PAX5: variants seen among roughly 807,000 people sequenced by gnomAD.
The protein encoded by PAX5 is paired box protein Pax-5.
PAX5 carries 9 observed loss-of-function variants against 43.7 expected under a neutral mutation model. The observed-to-expected ratio is 0.21, with a 90% CI of 0.12 to 0.36. The LOEUF is 0.36. Ranked by LOEUF, PAX5 falls within the 10% of genes least tolerant of loss-of-function variation. The probability of loss-of-function intolerance (pLI) is 1.00; values close to 1 mark genes in which losing one functional copy is unlikely to be tolerated. For missense variants in PAX5, 383 were observed against 532.7 expected (o/e 0.72, Z 2.77); for synonymous variants, 228 against 214.3 (o/e 1.06, Z -0.56).
At chr9:36,874,291 T>G (rs1825731997) in intron 8 of PAX5, among the ~76,000 whole-genome samples, 1 of 152,214 alleles carries the variant, frequency 6.6e-6, no homozygotes, top group Non-Finnish European at 1.5e-5. Flanking sequence ...TCTTGGGGCA[T>G]CTGCATATTT....
At chr9:36,932,463 A>G (rs1335322965) in intron 6 of PAX5, among the ~76,000 whole-genome samples, 1 of 152,246 alleles carries the variant, frequency 6.6e-6, no homozygotes, top group East Asian at 1.9e-4. Context: ...CAAAAGCATT[A>G]TGCTAGGTGA....
intron 8 of PAX5, among the ~76,000 whole-genome samples, chr9:36,858,948 C>T (rs934487713): frequency 5.3e-5 from 8 of 152,242 alleles, no homozygotes; most frequent in South Asian, 2.1e-4. Context: ...GTGCTAGTCC[C>T]GACCTGCGCT....
intron 5 of PAX5, among the ~76,000 whole-genome samples, chr9:36,999,035 A>C (rs192261516): frequency 1.3e-5 from 2 of 152,276 alleles, no homozygotes; most frequent in Admixed American, 6.5e-5. Context: ...CTGTCATGTT[A>C]TCTTTTTACC....
In PAX5 at chr9:36,836,852, A is replaced by G. The variant is rs372166414; in HGVS notation, c.*3708T>C. 4.3e-6 allele frequency: 1 copy of G among 232,300 alleles called. No individual in the cohort carries two copies. Among genetic ancestry groups the G allele is most frequent in the African/African-American group, 2.2e-5 (1 of 45,414 alleles). The allele number at this position is 232,300 out of a possible 1,614,324, so 14.4% of individuals were successfully genotyped here. The stretch of plus-strand genomic sequence containing the variant: ...TGGAGTCAGGGCTGGACCCATGTCC[A>G]GGCCTGGTCAGGGATTATGGCATGG... On this transcript the variant is annotated 3_prime_UTR_variant, in exon 10 of 10. Coordinates refer to ENST00000358127, the MANE Select transcript of PAX5 (RefSeq NM_016734.3).
At chr9:37,016,160 C>T (rs989291365) in intron 2 of PAX5, among the ~76,000 whole-genome samples, 2 of 152,208 alleles carry the variant, frequency 1.3e-5, no homozygotes, top group African/African-American at 2.4e-5. Flanking sequence ...GGCTGTTGCC[C>T]ACCCAGCCTC....
At chr9:36,892,075 C>T (rs1441380274) in intron 7 of PAX5, among the ~76,000 whole-genome samples, 2 of 152,200 alleles carry the variant, frequency 1.3e-5, no homozygotes, top group African/African-American at 4.8e-5. Context: ...CACCAGCCCC[C>T]GGAACCAGCA....
chr9:37,003,965 G>A (rs1306545204), intron 4 of PAX5, among the ~76,000 whole-genome samples: 2 of 152,262 alleles, frequency 1.3e-5, no homozygotes, highest in Admixed American at 1.3e-4. Context: ...TCACATGAAT[G>A]CAGTACTTTT....
intron 6 of PAX5, among the ~76,000 whole-genome samples, chr9:36,937,951 CTGTT>C (rs1247317493): frequency 1.3e-5 from 2 of 152,186 alleles, no homozygotes; most frequent in African/African-American, 4.8e-5. Flanking sequence ...AGGCATGTGA[CTGTT>C]TGCTTAGTTC....
chr9:37,023,173 G>A (rs1840002923), intron 1 of PAX5, among the ~76,000 whole-genome samples: 1 of 152,218 alleles, frequency 6.6e-6, no homozygotes, highest in African/African-American at 2.4e-5. Flanking sequence ...AGGTTAGGCA[G>A]GCAGAGGAGA....
In PAX5 at chr9:36,847,716, C is replaced by A. The variant is rs192126035; in HGVS notation, c.1013-787G>T. Among the ~76,000 whole-genome samples the A allele has an allele frequency of 4.3e-3, 662 of 152,302 alleles. 4 individuals are homozygous for A. The highest frequency in any genetic ancestry group is 8.1e-3 in the South Asian group (39 of 4,828). On this transcript the variant is annotated intron_variant, in intron 8 of 9. Coordinates refer to ENST00000358127, the MANE Select transcript of PAX5 (RefSeq NM_016734.3). ...ATTGTGGGGCATGGTGGGACCCGAA[C>A]ATGGTTCACTCAGGCCAGGTGCTCA...
intron 8 of PAX5, among the ~76,000 whole-genome samples, chr9:36,867,043 T>C (rs1824952949): frequency 1.5e-5 from 1 of 66,186 alleles, no homozygotes; most frequent in Non-Finnish European, 2.9e-5. Context: ...GCCTACAAAA[T>C]GTCCTGGATG....
intron 7 of PAX5, among the ~76,000 whole-genome samples, chr9:36,897,292 T>A (rs1827950185): frequency 6.6e-6 from 1 of 152,100 alleles, no homozygotes; most frequent in Admixed American, 6.5e-5. Context: ...GGAAAACCGC[T>A]GTGGAATCAG....
chr9:36,916,336 T>C (rs1469183559), intron 7 of PAX5, among the ~76,000 whole-genome samples: 1 of 152,242 alleles, frequency 6.6e-6, no homozygotes, highest in Non-Finnish European at 1.5e-5. Context: ...CAAACAGTTT[T>C]AGTTATTGTA....
intron 7 of PAX5, among the ~76,000 whole-genome samples, chr9:36,911,319 C>A (rs1829265015): frequency 6.7e-6 from 1 of 148,704 alleles, no homozygotes. Context: ...TTCCAATGCA[C>A]AAAACAACTT....
intron 1 of PAX5, among the ~76,000 whole-genome samples, chr9:37,024,854 C>T (rs1425438479): frequency 6.6e-6 from 1 of 152,200 alleles, no homozygotes; most frequent in Non-Finnish European, 1.5e-5. Context: ...GGCCACCGAG[C>T]GCTGGGCGGA....
chr9:36,916,374 A>T (rs1829728691), intron 7 of PAX5, among the ~76,000 whole-genome samples: 1 of 152,206 alleles, frequency 6.6e-6, no homozygotes, highest in Non-Finnish European at 1.5e-5. Flanking sequence ...AAAATATGCT[A>T]AGACTTTTAC....
At chr9:36,946,078 GAGTGCTCCGTCAGGATGC>G (rs1413887163) in intron 6 of PAX5, among the ~76,000 whole-genome samples, 1 of 152,084 alleles carries the variant, frequency 6.6e-6, no homozygotes, top group African/African-American at 2.4e-5. Flanking sequence ...ACTCCCTGAG[GAGTGCTCCGTCAGGATGC>G]AGTGCTCCAT....
In PAX5 at chr9:37,002,830, C is replaced by G. The variant is rs1270175822; in HGVS notation, c.476-54G>C. 10 of 1,540,418 alleles carry G rather than the reference C, an allele frequency of 6.5e-6. No individual in the cohort carries two copies. The African/African-American group carries it at 1.1e-4, about 17-fold the overall frequency. On this transcript the variant is annotated intron_variant, in intron 4 of 9. Transcript: ENST00000358127. The stretch of plus-strand genomic sequence containing the variant: ...CCGCAGAGGGCTGAGGGCGGCGGAC[C>G]GGCTGTCACCGCACGTGAGGCTGGG...
At chr9:37,032,602 A>G (rs1292995723) in intron 1 of PAX5, among the ~76,000 whole-genome samples, 1 of 152,152 alleles carries the variant, frequency 6.6e-6, no homozygotes, top group Non-Finnish European at 1.5e-5. Flanking sequence ...CTTGGGGTCT[A>G]AGTTTATCCT....
Sources: allele counts gnomAD v4.1 joint callset (sites outside exome capture counted in the v4.1 genomes callset), GRCh38; gene constraint gnomAD v4.1.1; transcripts MANE v1.5; gene names NCBI Gene and HGNC (gene_info 2026-07-23, HGNC 2026-07-21).